Variants in USF3 observed in about 807,000 individuals in gnomAD.
USF3 encodes basic helix-loop-helix domain-containing protein USF3.
In USF3, 29 loss-of-function variants were observed where a neutral mutation model predicts 157.5. The observed-to-expected ratio is 0.18, with a 90% CI of 0.14 to 0.25. The LOEUF (loss-of-function observed/expected upper bound fraction) is 0.25, where lower values mean the gene tolerates loss of function less well. Ranked by LOEUF, USF3 falls within the 10% of genes least tolerant of loss-of-function variation. The pLI is 1.00. For synonymous variants in USF3, 893 were observed against 941.4 expected (o/e 0.95, Z 0.94); for missense variants, 2,381 against 2,667.6 (o/e 0.89, Z 2.37).
chr3:113,668,712 A>C (rs1428049577), intron 5 of USF3, among the ~76,000 whole-genome samples: 1 of 152,144 alleles, frequency 6.6e-6, no homozygotes, highest in Non-Finnish European at 1.5e-5. Flanking sequence ...ACATAAACAG[A>C]AAAAAACTTC....
In USF3 at chr3:113,661,226, G is replaced by A. The variant is rs567726396; in HGVS notation, c.456C>T (p.Asn152=). 47 of 1,613,744 alleles carry A rather than the reference G, an allele frequency of 2.9e-5. No homozygotes were observed. Among genetic ancestry groups the A allele is most frequent in the Non-Finnish European group, 3.8e-5 (45 of 1,179,906 alleles). Reference sequence around the variant, plus strand: ...GGCTGTTTCCACCAGGCTGATTCCCGTTGGAATAAACAATAATTTTTTTTT... The same window carrying A: ...GGCTGTTTCCACCAGGCTGATTCCCATTGGAATAAACAATAATTTTTTTTT... ...QVQKKIIVYS[N]GNQPGGNSQG... Residue 152 remains asparagine (N), a synonymous_variant, in exon 7 of 7, where the codon AAC becomes AAT. Transcript: ENST00000316407.
intron 6 of USF3, among the ~76,000 whole-genome samples, chr3:113,663,534 A>G (rs183044795): frequency 1.3e-5 from 2 of 152,336 alleles, no homozygotes; most frequent in African/African-American, 4.8e-5. Flanking sequence ...AGGCTTTCCA[A>G]TATCTTTCCC....
At position 113,657,712 on chromosome 3, in the gene USF3, G is replaced by A. The variant is rs554429557; in HGVS notation, c.3970C>T (p.Arg1324Cys). ...EPLLKPSHES[R>C]KDSAKRAVQD... ...ACAGCACGCTTAGCAGAATCCTTAC[G>A]GCTTTCATGGCTTGGCTTTAAGAGT... The change falls in exon 7 of 7, where the codon CGT (arginine) becomes TGT (cysteine). Residue 1324 changes from arginine to cysteine, a missense_variant. Arg to Cys is a radical substitution (Grantham distance 180, BLOSUM62 -3). Coordinates refer to ENST00000316407, the MANE Select transcript of USF3 (RefSeq NM_001009899.4). 1.6e-5 allele frequency: 26 copies of A among 1,614,132 alleles called. No homozygotes were observed. The South Asian group carries it at 2.0e-4, about 12-fold the overall frequency.
Position 113,687,364 on chromosome 3 carries a change from A to C in USF3, c.-135+9006T>G, listed in dbSNP as rs116530241. Among the ~76,000 whole-genome samples, 589 of 152,186 alleles carry C rather than the reference A, an allele frequency of 3.9e-3. 4 individuals are homozygous for C. Among genetic ancestry groups the C allele is most frequent in the African/African-American group, 0.013 (557 of 41,528 alleles). ...ACTCTTAGAATCAGCTTTCCATCCA[A>C]GGAATTTTTGTCCCTTTCATTGGAG... On this transcript the variant is annotated intron_variant, in intron 1 of 6. Transcript: ENST00000316407.
intron 5 of USF3, among the ~76,000 whole-genome samples, chr3:113,667,178 A>T (rs1191474725): frequency 2.0e-5 from 3 of 152,144 alleles, no homozygotes; most frequent in African/African-American, 7.2e-5. Context: ...CCAGGAAGTT[A>T]TTTACTACTA....
chr3:113,661,811 A>G (rs1187044935), intron 6 of USF3, among the ~76,000 whole-genome samples: 1 of 152,222 alleles, frequency 6.6e-6, no homozygotes. Flanking sequence ...TGCAGCAGCC[A>G]ACATTACCTG....
In USF3 at chr3:113,655,856, G is replaced by A. The variant is rs899751953; in HGVS notation, c.5826C>T (p.Asn1942=). The change falls in exon 7 of 7, where the codon AAC becomes AAT. Residue 1942 remains asparagine (N), a synonymous_variant. Transcript: ENST00000316407. ...KGHMNPPVTT[N]MHGVARPALP... ...ACGCTGGCCTTGCAACCCCATGCAT[G>A]TTGGTTGTGACTGGAGGGTTCATGT... 1 of 1,614,184 alleles carries A rather than the reference G, an allele frequency of 6.2e-7. No homozygotes were observed. The highest frequency in any genetic ancestry group is 8.5e-7 in the Non-Finnish European group (1 of 1,180,034).
Position 113,655,562 on chromosome 3 carries a change from G to A in USF3, c.6120C>T (p.Phe2040=), listed in dbSNP as rs74980526. The change falls in exon 7 of 7, where the codon TTC becomes TTT. Residue 2040 remains phenylalanine (F), a synonymous_variant. Transcript: ENST00000316407. ...ATEKRGSIVR[F]MPDSPQVPND... ...TAGGTACTTGTGGGCTATCAGGCATGAAACGAACAATACTTCCTCTCTTCT... is the reference window on the plus strand; with the variant it reads ...TAGGTACTTGTGGGCTATCAGGCATAAAACGAACAATACTTCCTCTCTTCT... The A allele has an allele frequency of 0.015, 23,846 of 1,614,150 alleles. 215 individuals carry two copies. Among genetic ancestry groups the A allele is most frequent in the Non-Finnish European group, 0.018 (20,970 of 1,179,986 alleles).
chr3:113,674,800 A>G, intron 3 of USF3, 32 bp downstream of exon 3: 2 of 1,592,936 alleles, frequency 1.3e-6, no homozygotes, highest in African/African-American at 1.3e-5. Context: ...TATCTGCCCA[A>G]AGCATATTAT....
chr3:113,679,071 C>T (rs1000694547), intron 1 of USF3, among the ~76,000 whole-genome samples: 7 of 151,396 alleles, frequency 4.6e-5, no homozygotes, highest in South Asian at 2.1e-4. Flanking sequence ...ATCCTCCCGC[C>T]GCAGTCTTCC....
intron 1 of USF3, among the ~76,000 whole-genome samples, chr3:113,679,900 A>C (rs1430940210): frequency 6.6e-6 from 1 of 151,838 alleles, no homozygotes; most frequent in African/African-American, 2.4e-5. Context: ...TTTATTGCTG[A>C]GTATAAATAT....
In USF3 at chr3:113,653,079, A is replaced by G; in HGVS notation, c.*1865T>C. On this transcript the variant is annotated 3_prime_UTR_variant, in exon 7 of 7. Coordinates refer to ENST00000316407, the MANE Select transcript of USF3 (RefSeq NM_001009899.4). ...AAAAAAAAAAGAAAAGAAGAAAGAA[A>G]AGAAAAGCTGGTCCTTGAGTTCACT... is the stretch of plus-strand genomic sequence containing the variant. 3.6e-6 allele frequency: 1 copy of G among 276,528 alleles called. No homozygotes were observed. Among genetic ancestry groups the G allele is most frequent in the Admixed American group, 5.7e-5 (1 of 17,612 alleles). 17.1% of individuals were successfully genotyped at this position (276,528 alleles called of 1,614,324 possible). A position where few individuals can be genotyped will look rare whatever the true frequency, so the allele number is the denominator to read the frequency against.
intron 2 of USF3, among the ~76,000 whole-genome samples, chr3:113,675,912 C>T (rs1707269913): frequency 6.6e-6 from 1 of 152,146 alleles, no homozygotes; most frequent in Non-Finnish European, 1.5e-5. Context: ...TAGGGCAGGG[C>T]AAAATGCTTC....
Position 113,650,180 on chromosome 3 carries a change from T to C in USF3, c.*4764A>G, listed in dbSNP as rs1947236761. On this transcript the variant is annotated 3_prime_UTR_variant, in exon 7 of 7. Transcript: ENST00000316407. ...TCCTAAAGATATCACTCCAAAGCTG[T>C]TTCATTTTGGTATCACCTTTGCCCT... 1 of 287,324 alleles carries C rather than the reference T, an allele frequency of 3.5e-6. No homozygotes were observed. The highest frequency in any genetic ancestry group is 6.4e-6 in the Non-Finnish European group (1 of 155,156). The allele number at this position is 287,324 out of a possible 1,614,324, so 17.8% of individuals were successfully genotyped here. A position where few individuals can be genotyped will look rare whatever the true frequency, so the allele number is the denominator to read the frequency against.
At chr3:113,680,133 C>T (rs776364824) in intron 1 of USF3, among the ~76,000 whole-genome samples, 12 of 126,174 alleles carry the variant, frequency 9.5e-5, no homozygotes, top group Middle Eastern at 6.6e-3. Flanking sequence ...AGAATGAATT[C>T]GAAGTATTCC....
intron 4 of USF3, 164 bp from the exon 5 acceptor site, chr3:113,670,367 G>A (rs1385422600): frequency 3.4e-6 from 2 of 596,808 alleles, no homozygotes; most frequent in African/African-American, 1.9e-5. Context: ...GGGAGGCCAA[G>A]GCGGGTGGAT....
rs1308336338 is a variant in USF3 at position 113,658,311 on chromosome 3, C to T, written c.3371G>A (p.Cys1124Tyr). 1.2e-6 allele frequency: 2 copies of T among 1,614,208 alleles called. No homozygotes were observed. The highest frequency in any genetic ancestry group is 3.3e-5 in the Admixed American group (2 of 60,026). ...SNATTNTCDS[C>Y]TFVEQTDIVA... Reference sequence around the variant, plus strand: ...TATATCAGTTTGCTCTACAAAGGTACAGCTGTCACATGTATTAGTTGTTGC... The same window carrying T: ...TATATCAGTTTGCTCTACAAAGGTATAGCTGTCACATGTATTAGTTGTTGC... Residue 1124 changes from cysteine to tyrosine, a missense_variant, in exon 7 of 7, where the codon TGT becomes TAT. Physicochemically the swap from Cys to Tyr is radical, Grantham distance 194. Transcript: ENST00000316407.
intron 1 of USF3, among the ~76,000 whole-genome samples, chr3:113,684,603 T>G (rs1316051584): frequency 6.6e-6 from 1 of 152,214 alleles, no homozygotes; most frequent in African/African-American, 2.4e-5. Flanking sequence ...GCTCATTCTT[T>G]CTTCTCCTTG....
chr3:113,672,417 C>T (rs945475053), intron 4 of USF3, among the ~76,000 whole-genome samples: 1 of 152,036 alleles, frequency 6.6e-6, no homozygotes, highest in South Asian at 2.1e-4. Flanking sequence ...TGAACCACCA[C>T]GATCGGCCTA....
Sources: allele counts gnomAD v4.1 joint callset (sites outside exome capture counted in the v4.1 genomes callset), GRCh38; gene constraint gnomAD v4.1.1; transcripts MANE v1.5; gene names NCBI Gene and HGNC (gene_info 2026-07-23, HGNC 2026-07-21).